CSF2RB: variants seen among roughly 807,000 people sequenced by gnomAD.
CSF2RB encodes cytokine receptor common subunit beta.
A neutral mutation model predicts 67.2 loss-of-function variants in CSF2RB; 22 were observed. That is an observed-to-expected ratio of 0.33 (90% CI 0.23 to 0.47). The LOEUF (loss-of-function observed/expected upper bound fraction) is 0.47, where lower values mean the gene tolerates loss of function less well. Ranked by LOEUF, CSF2RB falls within the 20% of genes least tolerant of loss-of-function variation. The probability of loss-of-function intolerance (pLI) is 1.00; values close to 1 mark genes in which losing one functional copy is unlikely to be tolerated. For missense variants in CSF2RB, 1,113 were observed against 1,174.5 expected (o/e 0.95, Z 0.76); for synonymous variants, 507 against 482.9 (o/e 1.05, Z -0.65).
chr22:36,929,583 C>T (rs1338469659), intron 5 of CSF2RB, 24 bp downstream of exon 5: 4 of 1,614,056 alleles, frequency 2.5e-6, no homozygotes, highest in Non-Finnish European at 3.4e-6. Flanking sequence ...CCAGCTCTGC[C>T]CCAGCCCGAA....
Position 36,939,021 on chromosome 22 carries a change from T to C in CSF2RB, c.*519T>C. On this transcript the variant is annotated 3_prime_UTR_variant, in exon 14 of 14. Transcript: ENST00000403662. ...GTGGGAGGCACCAGGTGGGCACCCGTGGGGGTTAGGGCTTGGAAGAGTGGC... is the reference window on the plus strand; with the variant it reads ...GTGGGAGGCACCAGGTGGGCACCCGCGGGGGTTAGGGCTTGGAAGAGTGGC... 1.6e-6 allele frequency: 1 copy of C among 636,482 alleles called. No homozygotes were observed. The highest frequency in any genetic ancestry group is 2.4e-5 in the Admixed American group (1 of 41,882). The allele number at this position is 636,482 out of a possible 1,614,324, so 39.4% of individuals were successfully genotyped here.
Position 36,932,876 on chromosome 22 carries a change from A to G in CSF2RB, c.1124A>G (p.Gln375Arg). The G allele has an allele frequency of 6.2e-7, 1 of 1,614,168 alleles. No homozygotes were observed. Reference protein sequence around the residue: ...YEHIDHTFEIQYRKDTATWKD... With the variant: ...YEHIDHTFEIRYRKDTATWKD... ...CACATAGACCACACATTTGAGATCC[A>G]GTACAGGAAAGACACGGCCACGTGG... is the stretch of plus-strand genomic sequence containing the variant. The change falls in exon 9 of 14, where the codon CAG becomes CGG. Residue 375 changes from glutamine (Q) to arginine (R), a missense_variant. By Grantham distance (43) the Gln-to-Arg change is conservative. Around this residue, in one of 2 missense-constraint regions of CSF2RB, gnomAD observed 559 missense variants for 656.5 expected, o/e 0.85. Transcript: ENST00000403662.
intron 3 of CSF2RB, chr22:36,923,716 C>T (rs1940938460): frequency 2.3e-6 from 3 of 1,313,128 alleles, no homozygotes; most frequent in African/African-American, 1.5e-5. Context: ...CAGGGCCAGG[C>T]CACGAAGCCC....
At chr22:36,925,669 C>A (rs557383750) in intron 3 of CSF2RB, among the ~76,000 whole-genome samples, 2 of 152,326 alleles carry the variant, frequency 1.3e-5, no homozygotes, top group African/African-American at 4.8e-5. Flanking sequence ...AACATTCTGC[C>A]CCCAGGTCAC....
intron 4 of CSF2RB, among the ~76,000 whole-genome samples, chr22:36,928,752 G>A (rs1941079595): frequency 6.6e-6 from 1 of 152,164 alleles, no homozygotes; most frequent in African/African-American, 2.4e-5. Flanking sequence ...AATTCACTGA[G>A]AAGCCGCATC....
Position 36,938,619 on chromosome 22 carries a change from C to T in CSF2RB, c.*117C>T, listed in dbSNP as rs559973703. 6.0e-6 allele frequency: 7 copies of T among 1,157,620 alleles called. No individual in the cohort carries two copies. The East Asian group carries it at 1.0e-4, about 17-fold the overall frequency. The allele number at this position is 1,157,620 out of a possible 1,614,324, so 71.7% of individuals were successfully genotyped here. The stretch of plus-strand genomic sequence containing the variant: ...AGCCTCCTGTCAAGGTAGCTAGAGG[C>T]CTGGGAAAGGAGATAGCCTTGCTCC... On this transcript the variant is annotated 3_prime_UTR_variant, in exon 14 of 14. Coordinates refer to ENST00000403662, the MANE Select transcript of CSF2RB (RefSeq NM_000395.3).
chr22:36,929,356 C>T (rs1439837509), intron 4 of CSF2RB, 46 bp from the exon 5 acceptor site: 11 of 1,613,680 alleles, frequency 6.8e-6, no homozygotes, highest in Admixed American at 1.7e-5. Flanking sequence ...CCTGACTGCC[C>T]CCCAGCGGTC....
Position 36,933,958 on chromosome 22 carries a change from G to C in CSF2RB, c.1279G>C (p.Glu427Gln). 6.2e-7 allele frequency: 1 copy of C among 1,612,860 alleles called. No individual in the cohort carries two copies. Among genetic ancestry groups the C allele is most frequent in the Non-Finnish European group, 8.5e-7 (1 of 1,179,952 alleles). The change falls in exon 10 of 14, where the codon GAG (glutamate) becomes CAG (glutamine). Residue 427 changes from glutamate (E) to glutamine (Q), a missense_variant. Around this residue, in one of 2 missense-constraint regions of CSF2RB, gnomAD observed 559 missense variants for 656.5 expected, o/e 0.85. Transcript: ENST00000403662. ...CACCGGCTACAACGGGATCTGGAGCGAGTGGAGTGAGGCGCGCTCCTGGGA... is the reference window on the plus strand; with the variant it reads ...CACCGGCTACAACGGGATCTGGAGCCAGTGGAGTGAGGCGCGCTCCTGGGA... ...SRTGYNGIWSEWSEARSWDTE... is the reference protein window; with the variant it reads ...SRTGYNGIWSQWSEARSWDTE...
chr22:36,931,959 G>A (rs1941153874), intron 8 of CSF2RB, among the ~76,000 whole-genome samples: 1 of 152,184 alleles, frequency 6.6e-6, no homozygotes, highest in South Asian at 2.1e-4. Context: ...CCATCACACT[G>A]GTGGGATTGC....
chr22:36,915,177 C>T (rs1807544), intron 1 of CSF2RB, among the ~76,000 whole-genome samples: 65,377 of 151,942 alleles, frequency 0.43, 16,447 homozygotes, highest in Admixed American at 0.58. Flanking sequence ...CTCTGCCTCC[C>T]GGGTTCAGGT....
At chr22:36,917,888 A>G (rs1940760927) in intron 1 of CSF2RB, among the ~76,000 whole-genome samples, 1 of 151,702 alleles carries the variant, frequency 6.6e-6, no homozygotes, top group South Asian at 2.1e-4. Flanking sequence ...ATGCCATTGC[A>G]CTCCAGCCTG....
Position 36,937,788 on chromosome 22 carries a change from G to A in CSF2RB, c.1980G>A (p.Gln660=), listed in dbSNP as rs763450787. 2.5e-6 allele frequency: 4 copies of A among 1,586,016 alleles called. No individual in the cohort carries two copies. Among genetic ancestry groups the A allele is most frequent in the East Asian group, 2.3e-5 (1 of 43,920 alleles). ...TGGAAGTGGAGAGAAGGCCGAGCCA[G>A]GGGGCTGCAGGGAGTCCCTCCCTGG... is the stretch of plus-strand genomic sequence containing the variant. ...QAVEVERRPS[Q]GAAGSPSLES... is the part of the protein sequence containing the mutation. Residue 660 remains glutamine (Q), a synonymous_variant, in exon 14 of 14, where the codon CAG becomes CAA. Transcript: ENST00000403662. The surrounding 1 kb of genome is among the most constrained non-coding windows in gnomAD (Gnocchi z 4.6).
intron 13 of CSF2RB, among the ~76,000 whole-genome samples, chr22:36,936,916 G>T (rs149581297): frequency 3.2e-4 from 48 of 152,250 alleles, no homozygotes; most frequent in African/African-American, 1.1e-3. Context: ...TGCCTCAGAG[G>T]CGTCACACTG....
intron 2 of CSF2RB, chr22:36,922,841 G>A: frequency 3.1e-6 from 1 of 317,620 alleles, no homozygotes; most frequent in Non-Finnish European, 6.0e-6. Flanking sequence ...TAGAGAGGAG[G>A]TGGGAGGTTG....
At chr22:36,929,041 G>C (rs1040828197) in intron 4 of CSF2RB, among the ~76,000 whole-genome samples, 3 of 152,208 alleles carry the variant, frequency 2.0e-5, no homozygotes, top group Non-Finnish European at 4.4e-5. Flanking sequence ...CAGCAGGAGG[G>C]GGGAGGCCGC....
At chr22:36,925,930 T>A in intron 3 of CSF2RB, 57 bp from the exon 4 acceptor site, 35 of 1,591,708 alleles carry the variant, frequency 2.2e-5, no homozygotes, top group Non-Finnish European at 3.0e-5. Flanking sequence ...TCGAGGAACC[T>A]TTCGTGAGTC....
intron 4 of CSF2RB, among the ~76,000 whole-genome samples, chr22:36,927,094 C>T (rs1227481197): frequency 6.6e-6 from 1 of 152,206 alleles, no homozygotes; most frequent in African/African-American, 2.4e-5. Context: ...CCGGTCCTAA[C>T]CACCGAACCA....
chr22:36,924,146 G>A (rs553794813), intron 3 of CSF2RB, among the ~76,000 whole-genome samples: 8 of 149,104 alleles, frequency 5.4e-5, no homozygotes, highest in East Asian at 2.1e-4. Context: ...TCTCCAGGGC[G>A]TCTCTGTCGG....
chr22:36,939,966 T>G lies in CSF2RB; in HGVS notation c.*1464T>G, dbSNP rs1158263337. ...GTTTCCAACTTTTCATGTAAAATTT[T>G]AATTATTTTTGAATGTGTGGATGTG... On this transcript the variant is annotated 3_prime_UTR_variant, in exon 14 of 14. Coordinates refer to ENST00000403662, the MANE Select transcript of CSF2RB (RefSeq NM_000395.3). 6.6e-6 allele frequency: 1 copy of G among 152,274 alleles called. No individual in the cohort carries two copies. Among genetic ancestry groups the G allele is most frequent in the Non-Finnish European group, 1.5e-5 (1 of 68,046 alleles). The allele number at this position is 152,274 out of a possible 1,614,324, so 9.4% of individuals were successfully genotyped here.
Sources: gnomAD v4.1 joint callset for allele counts (sites outside exome capture counted in the v4.1 genomes callset) on GRCh38, gnomAD v4.1.1 for gene constraint, gnomAD v4.1.1 regional missense constraint, Gnocchi (gnomAD v3.1) non-coding constraint, MANE v1.5 for transcripts, NCBI Gene and HGNC (gene_info 2026-07-23, HGNC 2026-07-21) for gene names.